MYRF: variants seen among roughly 807,000 people sequenced by gnomAD.
The protein encoded by MYRF is myelin gene regulatory factor.
Under a neutral mutation model 126.3 loss-of-function variants are expected in MYRF, and 16 were observed. The observed-to-expected ratio is 0.13, with a 90% CI of 0.09 to 0.19. The LOEUF is 0.19. Ranked by LOEUF, MYRF falls within the 10% of genes least tolerant of loss-of-function variation. The probability of loss-of-function intolerance (pLI) is 1.00; values close to 1 mark genes in which losing one functional copy is unlikely to be tolerated. For synonymous variants in MYRF, 608 were observed against 635.3 expected (o/e 0.96, Z 0.65); for missense variants, 1,104 against 1,547.0 (o/e 0.71, Z 4.80).
Position 61,771,825 on chromosome 11 carries a change from C to T in MYRF, c.992-4C>T. On this transcript the variant is annotated splice_polypyrimidine_tract_variant and splice_region_variant and intron_variant, in intron 6 of 26. Transcript: ENST00000278836. ...GGGCCCACATGGGCGTTCCCTCCCT[C>T]CAGGCCTCCTGCAGGACAGTGACAG... is the stretch of plus-strand genomic sequence containing the variant. 1.2e-6 allele frequency: 2 copies of T among 1,614,126 alleles called. No individual in the cohort carries two copies. The highest frequency in any genetic ancestry group is 1.7e-6 in the Non-Finnish European group (2 of 1,180,000).
Position 61,784,614 on chromosome 11 carries a change from G to A in MYRF, c.3300+229G>A, listed in dbSNP as rs1358621567. ...CTCCCAGCCCTGCCGTGCTGGAGAC[G>A]TGGGGAAGACAGCAGATCACAGGTG... is the stretch of plus-strand genomic sequence containing the variant. On this transcript the variant is annotated intron_variant, in intron 25 of 26. Transcript: ENST00000278836. 2.8e-5 allele frequency: 15 copies of A among 540,470 alleles called. 1 individual carries two copies. In the East Asian group the frequency reaches 3.4e-4, roughly 12 times the overall value. 33.5% of individuals were successfully genotyped at this position (540,470 alleles called of 1,614,324 possible).
chr11:61,773,783 C>A (rs1266488322), intron 7 of MYRF, among the ~76,000 whole-genome samples, 184 bp from the exon 8 acceptor site: 1 of 152,166 alleles, frequency 6.6e-6, no homozygotes, highest in African/African-American at 2.4e-5. Context: ...AGTTTGCAGC[C>A]CTGTACTAGA....
Position 61,780,666 on chromosome 11 carries a change from C to A in MYRF, c.2406-46C>A. ...CACCTCTGACTGTGTCTTCTCTTCT[C>A]TTCCCCTTTGCCTGTCTCACCCTTT... On this transcript the variant is annotated intron_variant, in intron 18 of 26. Transcript: ENST00000278836. The A allele has an allele frequency of 1.3e-6, 2 of 1,525,944 alleles. 1 individual carries two copies. The highest frequency in any genetic ancestry group is 2.4e-5 in the South Asian group (2 of 83,504). The allele number at this position is 1,525,944 out of a possible 1,614,324, so 94.5% of individuals were successfully genotyped here.
At position 61,776,977 on chromosome 11, in the gene MYRF, C is replaced by G. The variant is rs2066402363; in HGVS notation, c.1590+100C>G. ...GTACTGAGAGTCAGGAGTGGGCATGCTCATCCTGCTAGGCACTGGCTGTGT... is the reference window on the plus strand; with the variant it reads ...GTACTGAGAGTCAGGAGTGGGCATGGTCATCCTGCTAGGCACTGGCTGTGT... On this transcript the variant is annotated intron_variant, in intron 11 of 26. Transcript: ENST00000278836. This position sits in a 1 kb window ranked among gnomAD's most constrained non-coding sequence, Gnocchi z 4.3. The G allele has an allele frequency of 1.6e-5, 17 of 1,058,324 alleles. 1 individual carries two copies. In the South Asian group the frequency reaches 2.1e-4, roughly 13 times the overall value. 65.6% of individuals were successfully genotyped at this position (1,058,324 alleles called of 1,614,324 possible).
rs748610498 is a variant in MYRF at position 61,781,738 on chromosome 11, G to A, written c.2930G>A (p.Ser977Asn). 5 of 1,612,702 alleles carry A rather than the reference G, an allele frequency of 3.1e-6. No individual in the cohort carries two copies. Among genetic ancestry groups the A allele is most frequent in the Non-Finnish European group, 4.2e-6 (5 of 1,179,752 alleles). Residue 977 changes from serine to asparagine, a missense_variant, in exon 22 of 27, where the codon AGC becomes AAC. Ser to Asn is a conservative substitution (Grantham distance 46, BLOSUM62 1). Coordinates refer to ENST00000278836, the MANE Select transcript of MYRF (RefSeq NM_001127392.3). The part of the protein sequence containing the change: ...GGQGKAKNSP[S>N]LGFHGRARRG... ...CAGGGCAAAGCCAAGAACAGTCCCA[G>A]CCTTGGTTTCCATGGCCGGGCCCGC...
At chr11:61,775,138 G>C (rs960206964) in intron 8 of MYRF, among the ~76,000 whole-genome samples, 4 of 152,078 alleles carry the variant, frequency 2.6e-5, no homozygotes, top group African/African-American at 9.7e-5. Context: ...TCCCTTCCTT[G>C]TCGGAATGTC....
Position 61,786,322 on chromosome 11 carries a change from C to T in MYRF, c.*179C>T, listed in dbSNP as rs2066694261. 1 of 652,030 alleles carries T rather than the reference C, an allele frequency of 1.5e-6. No individual in the cohort carries two copies. The highest frequency in any genetic ancestry group is 2.7e-6 in the Non-Finnish European group (1 of 374,676). 40.4% of individuals were successfully genotyped at this position (652,030 alleles called of 1,614,324 possible). A position where few individuals can be genotyped will look rare whatever the true frequency, so the allele number is the denominator to read the frequency against. The stretch of plus-strand genomic sequence containing the variant: ...TGGAGTTGCTGTTCCAGCTGGTCGC[C>T]CCTCACGGCACAGAGGGAACCTGAG... On this transcript the variant is annotated 3_prime_UTR_variant, in exon 27 of 27. Transcript: ENST00000278836. The surrounding 1 kb of genome is among the most constrained non-coding windows in gnomAD (Gnocchi z 4.5).
chr11:61,783,654 A>T lies in MYRF; in HGVS notation c.3119+54A>T. The T allele has an allele frequency of 6.6e-7, 1 of 1,526,292 alleles. No homozygotes were observed. The allele number at this position is 1,526,292 out of a possible 1,614,324, so 94.5% of individuals were successfully genotyped here. A position where few individuals can be genotyped will look rare whatever the true frequency, so the allele number is the denominator to read the frequency against. On this transcript the variant is annotated intron_variant, in intron 23 of 26. Transcript: ENST00000278836. This position sits in a 1 kb window ranked among gnomAD's most constrained non-coding sequence, Gnocchi z 4.6. ...GGAGGTCCTCAGGTGACATGAGCCC[A>T]GGTGGTACAGATCACCCGGAACTTG...
chr11:61,769,608 G>A (rs2066153346), intron 4 of MYRF, among the ~76,000 whole-genome samples: 1 of 152,166 alleles, frequency 6.6e-6, no homozygotes, highest in South Asian at 2.1e-4. Context: ...GAAGGCCGTG[G>A]GTGCAGCCTG....
chr11:61,786,429 G>T lies in MYRF; in HGVS notation c.*286G>T. ...CAGTTTACCTCTTTCCAGATATGGT[G>T]GTTGGAGGGCTGGTTCAGGTGCCCT... On this transcript the variant is annotated 3_prime_UTR_variant, in exon 27 of 27. Transcript: ENST00000278836. This position sits in a 1 kb window ranked among gnomAD's most constrained non-coding sequence, Gnocchi z 4.5. The T allele has an allele frequency of 2.1e-6, 1 of 465,854 alleles. No homozygotes were observed. The allele number at this position is 465,854 out of a possible 1,614,324, so 28.9% of individuals were successfully genotyped here. A position where few individuals can be genotyped will look rare whatever the true frequency, so the allele number is the denominator to read the frequency against.
chr11:61,785,737 T>TTG, intron 25 of MYRF, 63 bp from the exon 26 acceptor site: 1 of 1,404,164 alleles, frequency 7.1e-7, no homozygotes, highest in Admixed American at 1.7e-5. Flanking sequence ...ACGGCCGTGG[T>TTG]GAGAGATGCT....
rs911121054 is a variant in MYRF at position 61,779,412 on chromosome 11, G to T, written c.2163G>T (p.Ser721=). 1.9e-6 allele frequency: 3 copies of T among 1,551,208 alleles called. No homozygotes were observed. Among genetic ancestry groups the T allele is most frequent in the Admixed American group, 3.9e-5 (2 of 50,992 alleles). The change falls in exon 15 of 27, where the codon TCG becomes TCT. Residue 721 remains serine (S), a synonymous_variant. Coordinates refer to ENST00000278836, the MANE Select transcript of MYRF (RefSeq NM_001127392.3). ...ACAGCCTCAAGTCCACCGGCAGCTC[G>T]GGCGCCTTCAGGTAGGGGTGCGGGG... The part of the protein sequence containing the change: ...RLDSLKSTGS[S]GAFSHAGSQF...
intron 1 of MYRF, among the ~76,000 whole-genome samples, chr11:61,759,739 G>C (rs2065855616): frequency 6.6e-6 from 1 of 152,022 alleles, no homozygotes; most frequent in Non-Finnish European, 1.5e-5. Flanking sequence ...TGCATTTTTG[G>C]TAAGAAGCTG....
In MYRF at chr11:61,781,591, T is replaced by C. The variant is rs1444841324; in HGVS notation, c.2783T>C (p.Leu928Pro). ...TNRSGPSQMA[L>P]LPVTNIRAKS... is the part of the protein sequence containing the mutation. Reference sequence around the variant, plus strand: ...TCCACAGGCCCCAGCCAGATGGCCCTTCTGCCAGTCACCAACATCAGAGCC... The same window carrying C: ...TCCACAGGCCCCAGCCAGATGGCCCCTCTGCCAGTCACCAACATCAGAGCC... The change falls in exon 22 of 27, where the codon CTT becomes CCT. Residue 928 changes from leucine (L) to proline (P), a missense_variant. Leu to Pro is a moderately conservative substitution (Grantham distance 98). Transcript: ENST00000278836. The C allele has an allele frequency of 1.2e-6, 2 of 1,613,810 alleles. No individual in the cohort carries two copies.
rs149541525 is a variant in MYRF, at chr11:61,777,303, T to C, written c.1630T>C (p.Leu544=). ...CCAGTTCGAGAGCGACAGCGATGTG[T>C]TGTGGCAGCGGGCACAGGTGCCCGA... ...PGQFESDSDV[L]WQRAQVPDTV... The change falls in exon 12 of 27, where the codon TTG becomes CTG. Residue 544 remains leucine, a synonymous_variant. Transcript: ENST00000278836. The surrounding 1 kb of genome is among the most constrained non-coding windows in gnomAD (Gnocchi z 8.8). 181 of 1,613,582 alleles carry C rather than the reference T, an allele frequency of 1.1e-4. No individual in the cohort carries two copies. Among genetic ancestry groups the C allele is most frequent in the Non-Finnish European group, 1.5e-4 (177 of 1,180,044 alleles).
intron 25 of MYRF, 122 bp downstream of exon 25, chr11:61,784,507 A>C: frequency 1.3e-6 from 1 of 768,230 alleles, no homozygotes; most frequent in Non-Finnish European, 2.1e-6. Flanking sequence ...CTTCTCCACA[A>C]GGGACACTCT....
In MYRF at chr11:61,780,268, G is replaced by A. The variant is rs747754768; in HGVS notation, c.2383G>A (p.Glu795Lys). 3.7e-6 allele frequency: 6 copies of A among 1,613,706 alleles called. No homozygotes were observed. The highest frequency in any genetic ancestry group is 2.5e-6 in the Non-Finnish European group (3 of 1,179,872). The change falls in exon 18 of 27, where the codon GAG (glutamate) becomes AAG (lysine). Residue 795 changes from glutamate to lysine, a missense_variant. Glu to Lys is a moderately conservative substitution (Grantham distance 56). This residue lies in a region of MYRF where 323 missense variants were observed against 383.1 expected (regional missense o/e 0.84). Coordinates refer to ENST00000278836, the MANE Select transcript of MYRF (RefSeq NM_001127392.3). The part of the protein sequence containing the change: ...TLYVLSLRTE[E>K]DLVDTDGSFA... ...GTACGTGCTGAGCCTGCGCACAGAGGAGGACCTGGTAGACACTGATGGGTA... is the reference window on the plus strand; with the variant it reads ...GTACGTGCTGAGCCTGCGCACAGAGAAGGACCTGGTAGACACTGATGGGTA...
chr11:61,780,598 C>A, intron 18 of MYRF, 114 bp from the exon 19 acceptor site: 1 of 1,068,464 alleles, frequency 9.4e-7, no homozygotes. Flanking sequence ...CAGGGCAGGG[C>A]CTTGGGCTCT....
At chr11:61,755,371 G>C (rs1224069781) in intron 1 of MYRF, 2 of 1,607,228 alleles carry the variant, frequency 1.2e-6, no homozygotes, top group Admixed American at 3.4e-5. Context: ...GAGAGGCAAG[G>C]CAGCCCAGAT....
Sources: gnomAD v4.1 joint callset for allele counts (sites outside exome capture counted in the v4.1 genomes callset) on GRCh38, gnomAD v4.1.1 for gene constraint, gnomAD v4.1.1 regional missense constraint, Gnocchi (gnomAD v3.1) non-coding constraint, MANE v1.5 for transcripts, NCBI Gene and HGNC (gene_info 2026-07-23, HGNC 2026-07-21) for gene names.